The following AIG1 variants were observed in gnomAD, a reference collection of about 807,000 sequenced individuals.
AIG1 encodes the protein androgen induced 1.
In AIG1, 23 loss-of-function variants were observed where a neutral mutation model predicts 31.4. The observed-to-expected ratio is 0.73, with a 90% confidence interval of 0.53 to 1.04. The LOEUF is 1.04. Among genes scored for constraint, AIG1 ranks in the 50% least tolerant of loss-of-function variants. The probability of loss-of-function intolerance (pLI) is 0.00; values close to 1 mark genes in which losing one functional copy is unlikely to be tolerated. For missense variants in AIG1, 274 were observed against 295.0 expected, an observed-to-expected ratio of 0.93 and a Z score of 0.52; for synonymous variants, 100 against 110.5, an observed-to-expected ratio of 0.90 and a Z score of 0.60.
intron 1 of AIG1, among the ~76,000 whole-genome samples, chr6:143,081,523 T>G (rs1778253974): frequency 6.6e-6 from 1 of 151,526 alleles, no homozygotes; most frequent in Non-Finnish European, 1.5e-5. Context: ...AGTCTTCTCC[T>G]GGGTAATGGC....
intron 3 of AIG1, among the ~76,000 whole-genome samples, chr6:143,212,523 C>T (rs1791669973): frequency 6.6e-6 from 1 of 152,150 alleles, no homozygotes; most frequent in Non-Finnish European, 1.5e-5. Flanking sequence ...GCAATGACTT[C>T]CAGACACGTT....
At chr6:143,114,523 A>G (rs1008601458) in intron 1 of AIG1, among the ~76,000 whole-genome samples, 4 of 152,220 alleles carry the variant, frequency 2.6e-5, no homozygotes, top group Admixed American at 6.5e-5. Flanking sequence ...AAGAATATGA[A>G]CAATATGAGG....
At chr6:143,274,142 G>T (rs1356196464) in intron 3 of AIG1, among the ~76,000 whole-genome samples, 1 of 152,092 alleles carries the variant, frequency 6.6e-6, no homozygotes, top group Non-Finnish European at 1.5e-5. Context: ...ACGATTTCAG[G>T]TTCCTTCTCC....
Position 143,284,082 on chromosome 6 carries a change from G to A in AIG1, c.400-28G>A, listed in dbSNP as rs369614433. On this transcript the variant is annotated intron_variant, in intron 3 of 5. Transcript: ENST00000357847. The surrounding 1 kb of genome is among the most constrained non-coding windows in gnomAD (Gnocchi z 4.4). The stretch of plus-strand genomic sequence containing the variant: ...TATAGAGAGACAATGATAGCAATCT[G>A]TGTCACCTAGTCTCTGTTATTTTCC... The A allele has an allele frequency of 1.3e-3, 1,896 of 1,511,418 alleles. 28 individuals carry two copies. The South Asian group carries it at 0.015, about 12-fold the overall frequency. 93.6% of individuals were successfully genotyped at this position (1,511,418 alleles called of 1,614,324 possible).
intron 4 of AIG1, among the ~76,000 whole-genome samples, chr6:143,295,312 G>T (rs1436158729): frequency 3.9e-5 from 6 of 152,098 alleles, no homozygotes; most frequent in Non-Finnish European, 7.4e-5. Flanking sequence ...CTATCCAAAG[G>T]ATCCCAGAGT....
At chr6:143,127,496 TG>T (rs1027811762) in intron 1 of AIG1, among the ~76,000 whole-genome samples, 1 of 152,222 alleles carries the variant, frequency 6.6e-6, no homozygotes, top group African/African-American at 2.4e-5. Flanking sequence ...ACTGGGGATA[TG>T]GCCAAAGGTC....
At chr6:143,242,010 A>G (rs1307845271) in intron 3 of AIG1, among the ~76,000 whole-genome samples, 1 of 152,200 alleles carries the variant, frequency 6.6e-6, no homozygotes, top group African/African-American at 2.4e-5. Context: ...TATGGTCCCA[A>G]GCATTTTGGA....
intron 4 of AIG1, among the ~76,000 whole-genome samples, chr6:143,304,063 G>A (rs1270995167): frequency 2.7e-5 from 4 of 147,036 alleles, no homozygotes; most frequent in East Asian, 4.5e-4. Context: ...TTGTGTTTTT[G>A]TGCATTGATT....
At chr6:143,082,942 C>T (rs1409572258) in intron 1 of AIG1, among the ~76,000 whole-genome samples, 1 of 152,210 alleles carries the variant, frequency 6.6e-6, no homozygotes, top group Non-Finnish European at 1.5e-5. Context: ...TATTGGCTTT[C>T]TGAGTTTCCT....
intron 3 of AIG1, among the ~76,000 whole-genome samples, chr6:143,212,154 C>T (rs972739722): frequency 6.6e-6 from 1 of 152,100 alleles, no homozygotes; most frequent in East Asian, 1.9e-4. Flanking sequence ...TGTCTCAAGA[C>T]ATTGCTGAAT....
chr6:143,275,332 C>G (rs968195193), intron 3 of AIG1, among the ~76,000 whole-genome samples: 8 of 151,968 alleles, frequency 5.3e-5, no homozygotes, highest in African/African-American at 1.9e-4. Context: ...TCTTCACTCC[C>G]TTCTCCACTC....
At chr6:143,302,000 C>T (rs955573850) in intron 4 of AIG1, among the ~76,000 whole-genome samples, 3 of 150,954 alleles carry the variant, frequency 2.0e-5, no homozygotes, top group African/African-American at 7.3e-5. Flanking sequence ...AGGTTAATAA[C>T]CCTCCGTTGT....
chr6:143,202,640 T>A (rs984997768), intron 3 of AIG1, among the ~76,000 whole-genome samples: 4 of 152,104 alleles, frequency 2.6e-5, no homozygotes, highest in African/African-American at 9.7e-5. Flanking sequence ...GGGAGGAGAA[T>A]CTGCAGTTTA....
chr6:143,202,837 G>A (rs945572051), intron 3 of AIG1, among the ~76,000 whole-genome samples: 5 of 152,158 alleles, frequency 3.3e-5, no homozygotes, highest in East Asian at 1.9e-4. Flanking sequence ...AATCACTAGC[G>A]GAGGTGTCCC....
In AIG1 at chr6:143,161,319, C is replaced by T. The variant is rs1349490067; in HGVS notation, c.298-3763C>T. Among the ~76,000 whole-genome samples the T allele has an allele frequency of 2.6e-5, 4 of 152,048 alleles. No homozygotes were observed. In the East Asian group the frequency reaches 7.7e-4, roughly 29 times the overall value. ...TATCAATTGCATAAGGAATAAATTA[C>T]ACTAATCTTGCACAAAACCCTTCAG... On this transcript the variant is annotated intron_variant, in intron 2 of 5. Coordinates refer to ENST00000357847, the MANE Select transcript of AIG1 (RefSeq NM_016108.4).
intron 2 of AIG1, among the ~76,000 whole-genome samples, chr6:143,149,538 A>G (rs1785009573): frequency 4.7e-5 from 7 of 149,910 alleles, no homozygotes; most frequent in Admixed American, 4.6e-4. Flanking sequence ...GTCTCAAAAA[A>G]AAAAAAAAAA....
intron 3 of AIG1, among the ~76,000 whole-genome samples, chr6:143,253,804 C>T (rs1005379332): frequency 1.3e-5 from 2 of 152,226 alleles, no homozygotes; most frequent in Admixed American, 6.5e-5. Context: ...AACACTTAAT[C>T]CCCTATCACG....
intron 3 of AIG1, among the ~76,000 whole-genome samples, chr6:143,210,166 C>T (rs143814269): frequency 6.6e-6 from 1 of 152,198 alleles, no homozygotes; most frequent in South Asian, 2.1e-4. Flanking sequence ...TCTGCTCATT[C>T]TTCTCCTCCT....
rs9390076 is a variant in AIG1, at chr6:143,298,381, G to A, written c.515+14156G>A. ...GTCTAGCCACACATGCTAAACTTAAGCCAAAGATATGTAAAGAATGTTAGA... is the reference window on the plus strand; with the variant it reads ...GTCTAGCCACACATGCTAAACTTAAACCAAAGATATGTAAAGAATGTTAGA... On this transcript the variant is annotated intron_variant, in intron 4 of 5. Coordinates refer to ENST00000357847, the MANE Select transcript of AIG1 (RefSeq NM_016108.4). This position sits in a 1 kb window ranked among gnomAD's most constrained non-coding sequence, Gnocchi z 5.1. Among the ~76,000 whole-genome samples the A allele has an allele frequency of 0.27, 41,259 of 152,024 alleles. 7,222 individuals are homozygous for A. The highest frequency in any genetic ancestry group is 0.49 in the African/African-American group (20,470 of 41,456).
Sources: allele counts gnomAD v4.1 joint callset (sites outside exome capture counted in the v4.1 genomes callset), GRCh38; gene constraint gnomAD v4.1.1; non-coding constraint Gnocchi (gnomAD v3.1); transcripts MANE v1.5; gene names NCBI Gene and HGNC (gene_info 2026-07-23, HGNC 2026-07-21).